Variants in UGT1A7 observed in about 807,000 individuals in gnomAD.
UGT1A7 encodes the protein UDP glucuronosyltransferase family 1 member A7.
UGT1A7 carries 33 observed loss-of-function variants against 45.6 expected under a neutral mutation model. The ratio of observed to expected loss-of-function variants is 0.72; its 90% CI spans 0.55 to 0.97. UGT1A7 has a LOEUF of 0.97. Ranked by LOEUF, UGT1A7 falls within the 50% of genes least tolerant of loss-of-function variation. The probability of loss-of-function intolerance (pLI) is 0.00; values close to 1 mark genes in which losing one functional copy is unlikely to be tolerated. For synonymous variants in UGT1A7, 274 were observed against 250.6 expected, an observed-to-expected ratio of 1.09 and a Z score of -0.88; for missense variants, 684 against 666.2, an observed-to-expected ratio of 1.03 and a Z score of -0.29.
intron 1 of UGT1A7, chr2:233,760,299 G>A (rs781590934): frequency 6.2e-7 from 1 of 1,613,582 alleles, no homozygotes. Context: ...TGGCTGTGGA[G>A]TCCCAGGGCG....
intron 1 of UGT1A7, chr2:233,747,954 C>A: frequency 4.3e-6 from 7 of 1,613,446 alleles, no homozygotes; most frequent in Middle Eastern, 1.7e-4. Flanking sequence ...AGTGGTGGAT[C>A]TTCTCAGCCA....
intron 1 of UGT1A7, chr2:233,747,734 G>A: frequency 6.2e-7 from 1 of 1,613,288 alleles, no homozygotes; most frequent in Middle Eastern, 1.7e-4. Context: ...TTTTTTTGAG[G>A]AACATTCCAT....
rs547291485 is a variant in UGT1A7, at chr2:233,711,384, G to C, written c.855+28592G>C. 6.2e-3 allele frequency among the ~76,000 whole-genome samples: 952 copies of C among 152,360 alleles called. 6 individuals carry two copies. Among genetic ancestry groups the C allele is most frequent in the Non-Finnish European group, 0.012 (789 of 68,018 alleles). ...TGAATGTGGTGAGAGCACCCTCCCA[G>C]GTGTGTTCCACCCTCACCCCGGGCT... On this transcript the variant is annotated intron_variant, in intron 1 of 4. Transcript: ENST00000373426.
At chr2:233,729,553 G>A in intron 1 of UGT1A7, 1 of 1,614,176 alleles carries the variant, frequency 6.2e-7, no homozygotes, top group Middle Eastern at 1.7e-4. Context: ...GCACCTGAAT[G>A]CTACTTCCTT....
At chr2:233,691,254 C>T in intron 1 of UGT1A7, 2 of 985,546 alleles carry the variant, frequency 2.0e-6, no homozygotes, top group Non-Finnish European at 2.4e-6. Flanking sequence ...GAACTCAAAG[C>T]AAGATGCTGC....
chr2:233,746,864 A>G (rs1693495912), intron 1 of UGT1A7, among the ~76,000 whole-genome samples: 1 of 151,076 alleles, frequency 6.6e-6, no homozygotes, highest in South Asian at 2.1e-4. Flanking sequence ...CTGCAGCCTG[A>G]TAAACGTGGT....
intron 1 of UGT1A7, among the ~76,000 whole-genome samples, chr2:233,733,067 T>G (rs1039618890): frequency 2.0e-5 from 3 of 152,180 alleles, no homozygotes; most frequent in Non-Finnish European, 4.4e-5. Flanking sequence ...ATTCTCTTTG[T>G]AGCAATTGTG....
intron 1 of UGT1A7, among the ~76,000 whole-genome samples, chr2:233,705,479 T>C (rs961501470): frequency 1.1e-4 from 17 of 152,182 alleles, no homozygotes; most frequent in African/African-American, 3.9e-4. Flanking sequence ...ATGAGGCAAA[T>C]TTAATGATAA....
intron 1 of UGT1A7, among the ~76,000 whole-genome samples, chr2:233,719,849 T>C (rs1418135949): frequency 6.6e-6 from 1 of 152,222 alleles, no homozygotes; most frequent in Non-Finnish European, 1.5e-5. Context: ...ATTTCAAGTT[T>C]TCAGTGGTCA....
At chr2:233,701,809 A>T (rs552807305) in intron 1 of UGT1A7, among the ~76,000 whole-genome samples, 1 of 152,348 alleles carries the variant, frequency 6.6e-6, no homozygotes, top group South Asian at 2.1e-4. Flanking sequence ...GAACAAAGAC[A>T]CAACATACCA....
intron 1 of UGT1A7, among the ~76,000 whole-genome samples, chr2:233,722,551 G>C (rs1195630832): frequency 6.6e-6 from 1 of 152,024 alleles, no homozygotes; most frequent in Non-Finnish European, 1.5e-5. Context: ...AGTTTCTTTT[G>C]GTTGATTTGT....
intron 4 of UGT1A7, chr2:233,770,180 T>C (rs1257391797): frequency 6.6e-6 from 1 of 152,250 alleles, no homozygotes; most frequent in Non-Finnish European, 1.5e-5. Context: ...CTCAACTTAT[T>C]AACTAACTTT....
At chr2:233,757,592 A>C (rs1473098427) in intron 1 of UGT1A7, among the ~76,000 whole-genome samples, 1 of 143,702 alleles carries the variant, frequency 7.0e-6, no homozygotes, top group Non-Finnish European at 1.5e-5. Context: ...GTCTAATAGC[A>C]AGGACAGATA....
intron 1 of UGT1A7, among the ~76,000 whole-genome samples, chr2:233,685,068 G>A (rs143799403): frequency 6.6e-4 from 101 of 152,238 alleles, no homozygotes; most frequent in East Asian, 9.6e-4. Flanking sequence ...CTGCACAGGA[G>A]ATTTTTTTTC....
intron 1 of UGT1A7, among the ~76,000 whole-genome samples, chr2:233,751,671 A>T (rs1207862608): frequency 6.6e-6 from 1 of 152,074 alleles, no homozygotes; most frequent in Admixed American, 6.6e-5. Context: ...GTGAGTTCTA[A>T]TGAGAGCTGA....
At chr2:233,716,666 G>A (rs1298911663) in intron 1 of UGT1A7, among the ~76,000 whole-genome samples, 1 of 152,050 alleles carries the variant, frequency 6.6e-6, no homozygotes, top group East Asian at 1.9e-4. Flanking sequence ...AGGAAGCTTT[G>A]TTTACCCCAA....
chr2:233,723,199 A>G (rs111421853), intron 1 of UGT1A7, among the ~76,000 whole-genome samples: 3,458 of 129,646 alleles, frequency 0.027, 116 homozygotes, highest in African/African-American at 0.11. Context: ...TGTGGTAAAA[A>G]AAGTCAAAAC....
At chr2:233,768,043 A>G in intron 3 of UGT1A7, 107 bp downstream of exon 3, 1 of 1,608,218 alleles carries the variant, frequency 6.2e-7, no homozygotes, top group Non-Finnish European at 8.5e-7. Flanking sequence ...ATTATGGCCA[A>G]CATATCCTAC....
intron 1 of UGT1A7, among the ~76,000 whole-genome samples, chr2:233,710,671 T>C (rs1171384560): frequency 1.3e-5 from 2 of 152,206 alleles, no homozygotes; most frequent in African/African-American, 2.4e-5. Flanking sequence ...TGTCAGATAG[T>C]TGTGTTTCTG....
Sources: gnomAD v4.1 joint callset for allele counts (sites outside exome capture counted in the v4.1 genomes callset) on GRCh38, gnomAD v4.1.1 for gene constraint, MANE v1.5 for transcripts, NCBI Gene and HGNC (gene_info 2026-07-23, HGNC 2026-07-21) for gene names.